OBI1: variants seen among roughly 807,000 people sequenced by gnomAD.
The protein encoded by OBI1 is ring finger protein 219.
In OBI1, 59 loss-of-function variants were observed where a neutral mutation model predicts 62.4. The ratio of observed to expected loss-of-function variants is 0.95; its 90% confidence interval spans 0.77 to 1.17. The LOEUF is 1.17. Among genes scored for constraint, OBI1 ranks in the 50% most tolerant of loss-of-function variants. The pLI is 0.00. For synonymous variants in OBI1, 302 were observed against 292.8 expected, an observed-to-expected ratio of 1.03 and a Z score of -0.32; for missense variants, 875 against 830.9, an observed-to-expected ratio of 1.05 and a Z score of -0.65.
At chr13:78,630,740 G>A (rs1566279221) in intron 5 of OBI1, among the ~76,000 whole-genome samples, 1 of 152,208 alleles carries the variant, frequency 6.6e-6, no homozygotes, top group East Asian at 1.9e-4. Context: ...AGACCAGCTG[G>A]CACCTTGATC....
In OBI1 at chr13:78,652,406, A is replaced by C. The variant is rs541504771; in HGVS notation, c.72+6643T>G. Among the ~76,000 whole-genome samples the C allele has an allele frequency of 8.5e-5, 13 of 152,124 alleles. No homozygotes were observed. The South Asian group carries it at 2.7e-3, about 32-fold the overall frequency. On this transcript the variant is annotated intron_variant, in intron 1 of 5. Coordinates refer to ENST00000282003, the MANE Select transcript of OBI1 (RefSeq NM_024546.4). Reference sequence around the variant, plus strand: ...AATAAGATCTTCCCAAGACAAAAAAAAAAAGGTCATCATTTGTCACATTAT... The same window carrying C: ...AATAAGATCTTCCCAAGACAAAAAACAAAAGGTCATCATTTGTCACATTAT...
intron 1 of OBI1, among the ~76,000 whole-genome samples, chr13:78,647,644 C>G (rs1450193390): frequency 1.3e-5 from 2 of 152,184 alleles, no homozygotes; most frequent in African/African-American, 4.8e-5. Context: ...AGACCAGTGC[C>G]GGTGCAGGTC....
At chr13:78,654,015 T>A (rs1426984323) in intron 1 of OBI1, among the ~76,000 whole-genome samples, 1 of 122,024 alleles carries the variant, frequency 8.2e-6, no homozygotes, top group African/African-American at 3.0e-5. Context: ...AGAATTTAGG[T>A]CCTATAACTT....
intron 1 of OBI1, among the ~76,000 whole-genome samples, chr13:78,648,925 AAAAG>A (rs1317352832): frequency 6.6e-6 from 1 of 152,050 alleles, no homozygotes; most frequent in Non-Finnish European, 1.5e-5. Flanking sequence ...AAAAAAAAAA[AAAAG>A]AATCAGTATT....
intron 5 of OBI1, among the ~76,000 whole-genome samples, chr13:78,634,166 A>G (rs1270139970): frequency 6.6e-6 from 1 of 152,132 alleles, no homozygotes; most frequent in Non-Finnish European, 1.5e-5. Flanking sequence ...AGTTTACTTA[A>G]TTGTATAGTT....
intron 5 of OBI1, among the ~76,000 whole-genome samples, chr13:78,619,169 A>C (rs1012697674): frequency 2.4e-4 from 36 of 152,062 alleles, no homozygotes; most frequent in Non-Finnish European, 2.4e-4. Context: ...TTGCTACCAA[A>C]GGATATCTTT....
At chr13:78,633,789 C>A (rs1049247623) in intron 5 of OBI1, among the ~76,000 whole-genome samples, 1 of 152,084 alleles carries the variant, frequency 6.6e-6, no homozygotes, top group Non-Finnish European at 1.5e-5. Context: ...ACTCCATGGC[C>A]GGGCGTGGTG....
chr13:78,631,248 A>G (rs1875839430), intron 5 of OBI1, among the ~76,000 whole-genome samples: 1 of 152,182 alleles, frequency 6.6e-6, no homozygotes, highest in African/African-American at 2.4e-5. Context: ...AATAGTGACT[A>G]CATATTATAG....
intron 1 of OBI1, among the ~76,000 whole-genome samples, chr13:78,652,205 G>C (rs539073639): frequency 6.6e-6 from 1 of 152,222 alleles, no homozygotes; most frequent in South Asian, 2.1e-4. Flanking sequence ...ATGATTTCTA[G>C]ACAACTCAAT....
At chr13:78,651,780 T>G (rs2137468751) in intron 1 of OBI1, among the ~76,000 whole-genome samples, 1 of 152,324 alleles carries the variant, frequency 6.6e-6, no homozygotes, top group South Asian at 2.1e-4. Context: ...TAGAAACTGC[T>G]TACATCCTGT....
At chr13:78,658,169 G>C (rs186194746) in intron 1 of OBI1, among the ~76,000 whole-genome samples, 226 of 152,220 alleles carry the variant, frequency 1.5e-3, no homozygotes, top group Non-Finnish European at 2.7e-3. Flanking sequence ...GCGCTGGGGG[G>C]TAAACACACA....
Position 78,644,833 on chromosome 13 carries a change from T to A in OBI1, c.208+29A>T, listed in dbSNP as rs778024104. On this transcript the variant is annotated intron_variant, in intron 2 of 5. Coordinates refer to ENST00000282003, the MANE Select transcript of OBI1 (RefSeq NM_024546.4). The stretch of plus-strand genomic sequence containing the variant: ...TATTTGGAGATTGTTTCAAACCTAT[T>A]CCTATGCATATATAAAACAGGCCCT... 3.1e-6 allele frequency: 5 copies of A among 1,604,432 alleles called. No individual in the cohort carries two copies. The Middle Eastern group carries it at 8.3e-4, about 266-fold the overall frequency.
chr13:78,638,799 A>G (rs751488028), intron 4 of OBI1, 24 bp downstream of exon 4: 3 of 1,584,448 alleles, frequency 1.9e-6, no homozygotes, highest in Non-Finnish European at 2.6e-6. Flanking sequence ...CAACCATAAT[A>G]GATTTTTAAA....
intron 5 of OBI1, among the ~76,000 whole-genome samples, chr13:78,623,208 A>G (rs1875563601): frequency 6.6e-6 from 1 of 151,900 alleles, no homozygotes; most frequent in South Asian, 2.1e-4. Context: ...TCTATGGTCA[A>G]TCCTAGTCAC....
chr13:78,652,531 C>T (rs1421845495), intron 1 of OBI1, among the ~76,000 whole-genome samples: 2 of 152,134 alleles, frequency 1.3e-5, no homozygotes. Flanking sequence ...TGGTAAGTGA[C>T]ATACAATTCC....
Position 78,616,675 on chromosome 13 carries a change from AG to A in OBI1, c.1085del (p.Thr362IlefsTer86), listed in dbSNP as rs1269683160. On this transcript the variant is annotated frameshift_variant, in exon 6 of 6. Transcript: ENST00000282003. LOFTEE classifies it high-confidence loss of function. ...TATTCCCCCATTCTCTTTCCAAATA[AG>A]TATCCATACTTGTATCTGTCACATC... ...MLDVTDTSMD[T>X]YLEREWGNKP... is the part of the protein sequence containing the mutation. 3 of 1,614,188 alleles carry A rather than the reference AG, an allele frequency of 1.9e-6. No homozygotes were observed. The highest frequency in any genetic ancestry group is 2.5e-6 in the Non-Finnish European group (3 of 1,180,010).
rs550610299 is a variant in OBI1, at chr13:78,651,303, C to T, written c.73-6306G>A. 3.9e-5 allele frequency among the ~76,000 whole-genome samples: 6 copies of T among 152,314 alleles called. No homozygotes were observed. In the South Asian group the frequency reaches 1.2e-3, roughly 32 times the overall value. ...TTTCAGTACATCTTTCACAATGATG[C>T]CAGAGCTACCTTCCTAAAATATGAA... On this transcript the variant is annotated intron_variant, in intron 1 of 5. Coordinates refer to ENST00000282003, the MANE Select transcript of OBI1 (RefSeq NM_024546.4).
At chr13:78,639,320 A>C (rs1014765868) in intron 3 of OBI1, among the ~76,000 whole-genome samples, 3 of 152,204 alleles carry the variant, frequency 2.0e-5, no homozygotes, top group Non-Finnish European at 4.4e-5. Flanking sequence ...GTGATTTTTA[A>C]AAATGCCAAA....
Position 78,628,645 on chromosome 13 carries a change from G to A in OBI1, c.638+6465C>T, listed in dbSNP as rs1024915298. Among the ~76,000 whole-genome samples, 5 of 152,192 alleles carry A rather than the reference G, an allele frequency of 3.3e-5. No homozygotes were observed. The South Asian group carries it at 6.2e-4, about 19-fold the overall frequency. ...GTGAAGAGTCTGGATTTTATTCTAG[G>A]AAAACACTGAATAGTTTTAAGCAGG... On this transcript the variant is annotated intron_variant, in intron 5 of 5. Transcript: ENST00000282003.
Sources: allele counts gnomAD v4.1 joint callset (sites outside exome capture counted in the v4.1 genomes callset), GRCh38; gene constraint gnomAD v4.1.1; transcripts MANE v1.5; gene names NCBI Gene and HGNC (gene_info 2026-07-23, HGNC 2026-07-21).